Variants in WWOX observed in about 807,000 individuals in gnomAD.
WWOX encodes the protein WW domain-containing oxidoreductase.
In WWOX, 69 loss-of-function variants were observed where a neutral mutation model predicts 46.2. That is an observed-to-expected ratio of 1.49 (90% CI 1.23 to 1.82). The LOEUF is 1.82. Ranked by LOEUF, WWOX falls within the 40% of genes most tolerant of loss-of-function variation. The probability of loss-of-function intolerance (pLI) is 0.00; values close to 1 mark genes in which losing one functional copy is unlikely to be tolerated. For synonymous variants in WWOX, 359 were observed against 202.6 expected (o/e 1.77, Z -6.56); for missense variants, 919 against 542.6 (o/e 1.69, Z -6.89).
chr16:79,060,191 A>G lies in WWOX; in HGVS notation c.1057-151417A>G, dbSNP rs577662405. ...AGAACATAAAAACCCACCAAGCCTC[A>G]TTTTTCTTGCTAATTTATTTCCTTG... is the stretch of plus-strand genomic sequence containing the variant. On this transcript the variant is annotated intron_variant, in intron 8 of 8. Coordinates refer to ENST00000566780, the MANE Select transcript of WWOX (RefSeq NM_016373.4). Among the ~76,000 whole-genome samples the G allele has an allele frequency of 3.3e-5, 5 of 152,174 alleles. No homozygotes were observed. The South Asian group carries it at 8.3e-4, about 25-fold the overall frequency.
At chr16:78,518,072 C>A (rs899117142) in intron 8 of WWOX, among the ~76,000 whole-genome samples, 4 of 151,928 alleles carry the variant, frequency 2.6e-5, no homozygotes, top group Non-Finnish European at 5.9e-5. Flanking sequence ...GCTTCAGTTT[C>A]CCCATCTGTT....
chr16:78,668,612 G>T (rs72796603), intron 8 of WWOX, among the ~76,000 whole-genome samples: 4,659 of 152,218 alleles, frequency 0.031, 94 homozygotes, highest in Non-Finnish European at 0.048. Flanking sequence ...TGTTATCTGC[G>T]GGGAACAGGT....
chr16:78,177,458 G>A (rs908283408), intron 5 of WWOX, among the ~76,000 whole-genome samples: 1 of 152,176 alleles, frequency 6.6e-6, no homozygotes, highest in African/African-American at 2.4e-5. Context: ...CTCCCCACGT[G>A]CTTTAAAGCA....
In WWOX at chr16:78,207,309, A is replaced by G. The variant is rs1202747006; in HGVS notation, c.516+43020A>G. 2.0e-5 allele frequency among the ~76,000 whole-genome samples: 3 copies of G among 152,194 alleles called. No homozygotes were observed. The East Asian group carries it at 5.8e-4, about 29-fold the overall frequency. ...GGCTTTGATGACTATTCTTCTACAT[A>G]AATTATTACATATCTGTATCATAGA... On this transcript the variant is annotated intron_variant, in intron 5 of 8. Transcript: ENST00000566780.
At chr16:78,978,895 A>T (rs1357361994) in intron 8 of WWOX, among the ~76,000 whole-genome samples, 1 of 152,056 alleles carries the variant, frequency 6.6e-6, no homozygotes, top group Non-Finnish European at 1.5e-5. Flanking sequence ...GGGGACACAG[A>T]TCCAAACCTT....
At chr16:78,726,147 C>G (rs559261251) in intron 8 of WWOX, among the ~76,000 whole-genome samples, 13 of 137,552 alleles carry the variant, frequency 9.5e-5, no homozygotes, top group Admixed American at 3.2e-4. Flanking sequence ...TTTTCTCTTT[C>G]TCTCTTTCTC....
chr16:78,419,362 G>T (rs1366412271), intron 6 of WWOX, among the ~76,000 whole-genome samples: 1 of 151,948 alleles, frequency 6.6e-6, no homozygotes, highest in Non-Finnish European at 1.5e-5. Context: ...GTGTTGGAGG[G>T]CTTCCATTTC....
intron 8 of WWOX, among the ~76,000 whole-genome samples, chr16:79,103,366 G>C (rs2049241806): frequency 1.3e-5 from 2 of 152,220 alleles, no homozygotes; most frequent in Non-Finnish European, 2.9e-5. Context: ...GAAATCCTCA[G>C]TAAGGAAAAA....
intron 8 of WWOX, among the ~76,000 whole-genome samples, chr16:79,074,236 T>TA (rs1007955200): frequency 1.2e-4 from 18 of 151,820 alleles, no homozygotes; most frequent in African/African-American, 2.4e-4. Flanking sequence ...TCTATTTTTT[T>TA]AAAAAATATA....
At chr16:78,691,234 G>C in intron 8 of WWOX, 1 of 702,160 alleles carries the variant, frequency 1.4e-6, no homozygotes, top group East Asian at 2.7e-5. Flanking sequence ...TCTTGTTTGT[G>C]ATTCCAGGTT....
chr16:78,588,794 A>T (rs916986449), intron 8 of WWOX, among the ~76,000 whole-genome samples: 2 of 152,154 alleles, frequency 1.3e-5, no homozygotes, highest in South Asian at 4.2e-4. Flanking sequence ...TTTTGGCATT[A>T]GGAGCTGAAC....
chr16:78,745,214 C>T (rs534190860), intron 8 of WWOX, among the ~76,000 whole-genome samples: 1 of 152,318 alleles, frequency 6.6e-6, no homozygotes, highest in South Asian at 2.1e-4. Flanking sequence ...AGTATTAAGG[C>T]ACTTGATTAG....
chr16:78,152,614 ACCATGTT>A (rs1420552170), intron 4 of WWOX, among the ~76,000 whole-genome samples: 2 of 152,174 alleles, frequency 1.3e-5, no homozygotes, highest in African/African-American at 4.8e-5. Context: ...CCTGTCTAGG[ACCATGTT>A]AATTGTAATC....
At chr16:78,561,293 C>T (rs2978623) in intron 8 of WWOX, among the ~76,000 whole-genome samples, 2 of 152,272 alleles carry the variant, frequency 1.3e-5, no homozygotes, top group Admixed American at 6.5e-5. Flanking sequence ...ATGTCTAGGT[C>T]TGGATTTCAA....
At chr16:78,988,823 G>A (rs1597243562) in intron 8 of WWOX, among the ~76,000 whole-genome samples, 1 of 152,198 alleles carries the variant, frequency 6.6e-6, no homozygotes, top group South Asian at 2.1e-4. Context: ...GCCGTGGCTT[G>A]TGTGCATCCC....
At chr16:78,363,460 G>A (rs1338322049) in intron 5 of WWOX, among the ~76,000 whole-genome samples, 2 of 151,590 alleles carry the variant, frequency 1.3e-5, no homozygotes, top group Non-Finnish European at 1.5e-5. Flanking sequence ...AAAAAATTTT[G>A]TAGTGACAGT....
intron 8 of WWOX, among the ~76,000 whole-genome samples, chr16:78,562,708 A>G (rs1597271642): frequency 6.6e-6 from 1 of 152,222 alleles, no homozygotes; most frequent in East Asian, 1.9e-4. Context: ...TGACAATCTG[A>G]TCGCTCCCCT....
At chr16:78,206,523 T>A (rs2036401836) in intron 5 of WWOX, among the ~76,000 whole-genome samples, 2 of 152,226 alleles carry the variant, frequency 1.3e-5, no homozygotes, top group South Asian at 4.1e-4. Context: ...GCTGCTCTAC[T>A]ACCTGGAGTA....
At chr16:78,421,026 G>C (rs960020302) in intron 6 of WWOX, among the ~76,000 whole-genome samples, 4 of 152,114 alleles carry the variant, frequency 2.6e-5, no homozygotes, top group African/African-American at 9.7e-5. Context: ...TTGGATGTTA[G>C]ATTGCTTCTA....
Sources: gnomAD v4.1 joint callset for allele counts (sites outside exome capture counted in the v4.1 genomes callset) on GRCh38, gnomAD v4.1.1 for gene constraint, MANE v1.5 for transcripts, NCBI Gene and HGNC (gene_info 2026-07-23, HGNC 2026-07-21) for gene names.